The following PXN variants were observed in gnomAD, a reference collection of about 807,000 sequenced individuals.
PXN encodes the protein testicular tissue protein Li 134.
In PXN, 61 loss-of-function variants were observed where a neutral mutation model predicts 103.6. The observed-to-expected ratio is 0.59, with a 90% CI of 0.48 to 0.73. The LOEUF (loss-of-function observed/expected upper bound fraction) is 0.73. Among genes scored for constraint, PXN ranks in the 30% least tolerant of loss-of-function variants. The pLI is 0.00. For synonymous variants in PXN, 562 were observed against 607.8 expected, an observed-to-expected ratio of 0.92 and a Z score of 1.11; for missense variants, 1,274 against 1,460.3, an observed-to-expected ratio of 0.87 and a Z score of 2.08.
intron 1 of PXN, among the ~76,000 whole-genome samples, chr12:120,241,455 G>A (rs1306943427): frequency 1.3e-5 from 2 of 152,286 alleles, no homozygotes; most frequent in South Asian, 2.1e-4. Context: ...CCCTCCCTCC[G>A]ATGCTCTCAC....
Position 120,216,596 on chromosome 12 carries a change from G to A in PXN, c.1993-15C>T. On this transcript the variant is annotated splice_polypyrimidine_tract_variant and intron_variant, in intron 8 of 14. Coordinates refer to ENST00000637617, the MANE Select transcript of PXN (RefSeq NM_001385981.1). This position sits in a 1 kb window ranked among gnomAD's most constrained non-coding sequence, Gnocchi z 5.1. ...GGGAAGACAACCTGGGGAGAAGAAA[G>A]GAGGGAGAGCGATGAGGAAGAAATC... The A allele has an allele frequency of 6.8e-7, 1 of 1,469,528 alleles. No individual in the cohort carries two copies. The highest frequency in any genetic ancestry group is 1.5e-5 in the African/African-American group (1 of 68,450). 91.0% of individuals were successfully genotyped at this position (1,469,528 alleles called of 1,614,324 possible). A position where few individuals can be genotyped will look rare whatever the true frequency, so the allele number is the denominator to read the frequency against.
intron 1 of PXN, among the ~76,000 whole-genome samples, chr12:120,238,394 A>C (rs1201386820): frequency 6.6e-6 from 1 of 152,194 alleles, no homozygotes; most frequent in Non-Finnish European, 1.5e-5. Flanking sequence ...CCGGGGGTTC[A>C]TGCAGCAGAG....
At position 120,240,567 on chromosome 12, in the gene PXN, G is replaced by A. The variant is rs112121257; in HGVS notation, c.14-16190C>T. The stretch of plus-strand genomic sequence containing the variant: ...TTTGAAGCCATTCCCAAGTTCAAAG[G>A]GTCACCAAGCAGATGCATCTGGAGG... On this transcript the variant is annotated intron_variant, in intron 1 of 14. Coordinates refer to ENST00000637617, the MANE Select transcript of PXN (RefSeq NM_001385981.1). 1.6e-3 allele frequency among the ~76,000 whole-genome samples: 237 copies of A among 152,202 alleles called. 1 individual carries two copies. The highest frequency in any genetic ancestry group is 5.4e-3 in the African/African-American group (223 of 41,522).
rs1594435810 is a variant in PXN, at chr12:120,229,743, A to C, written c.14-5366T>G. 6.6e-6 allele frequency among the ~76,000 whole-genome samples: 1 copy of C among 152,194 alleles called. No homozygotes were observed. Among genetic ancestry groups the C allele is most frequent in the East Asian group, 1.9e-4 (1 of 5,202 alleles). On this transcript the variant is annotated intron_variant, in intron 1 of 14. Coordinates refer to ENST00000637617, the MANE Select transcript of PXN (RefSeq NM_001385981.1). This position sits in a 1 kb window ranked among gnomAD's most constrained non-coding sequence, Gnocchi z 4.0. ...GTGTTAAGCCCTAGGAGGGGAAAGAAATCACCTCCCCGTCCTATCCAATCC... is the reference window on the plus strand; with the variant it reads ...GTGTTAAGCCCTAGGAGGGGAAAGACATCACCTCCCCGTCCTATCCAATCC...
At chr12:120,262,155 T>C (rs1469447136) in intron 1 of PXN, among the ~76,000 whole-genome samples, 3 of 152,162 alleles carry the variant, frequency 2.0e-5, no homozygotes, top group Non-Finnish European at 2.9e-5. Flanking sequence ...AGGCAACTCC[T>C]CTGCCCCCCT....
At chr12:120,240,802 C>G (rs1890013501) in intron 1 of PXN, among the ~76,000 whole-genome samples, 1 of 152,172 alleles carries the variant, frequency 6.6e-6, no homozygotes, top group Non-Finnish European at 1.5e-5. Context: ...AACATCGACA[C>G]TAACCCACCC....
Position 120,223,822 on chromosome 12 carries a change from T to G in PXN, c.252A>C (p.Ser84=), listed in dbSNP as rs190495920. The change falls in exon 3 of 15, where the codon TCA becomes TCC. Residue 84 remains serine, a synonymous_variant. Transcript: ENST00000637617. ...TGGCACTGGAGCCGTACACAGGTGATGAGGACTGAGGCTGCGAGAAGGAGA... is the reference window on the plus strand; with the variant it reads ...TGGCACTGGAGCCGTACACAGGTGAGGAGGACTGAGGCTGCGAGAAGGAGA... The part of the protein sequence containing the change: ...SRFIHQQPQS[S]SPVYGSSAKT... 6.2e-7 allele frequency: 1 copy of G among 1,601,552 alleles called. No homozygotes were observed. Among genetic ancestry groups the G allele is most frequent in the Non-Finnish European group, 8.5e-7 (1 of 1,172,746 alleles).
Position 120,214,929 on chromosome 12 carries a change from C to T in PXN, c.2644G>A (p.Gly882Arg), listed in dbSNP as rs371082879. The T allele has an allele frequency of 1.1e-5, 17 of 1,613,916 alleles. No individual in the cohort carries two copies. The highest frequency in any genetic ancestry group is 6.6e-5 in the South Asian group (6 of 91,092). ...TCCCGCTCGAAGAAGTTCCGGGATC[C>T]GATCTCCTCCTGGCAGTGGGTGCAG... ...FVCTHCQEEI[G>R]SRNFFERDGQ... Residue 882 changes from glycine (G) to arginine (R), a missense_variant, in exon 12 of 15, where the codon GGA becomes AGA. Gly to Arg is a moderately radical substitution (Grantham distance 125). Around this residue, in one of 2 missense-constraint regions of PXN, gnomAD observed 1,178 missense variants for 1,309.0 expected, o/e 0.90. Transcript: ENST00000637617. This position sits in a 1 kb window ranked among gnomAD's most constrained non-coding sequence, Gnocchi z 5.0.
In PXN at chr12:120,225,060, C is replaced by T. The variant is rs1235958592; in HGVS notation, c.14-683G>A. The T allele has an allele frequency of 3.8e-6, 1 of 264,250 alleles. No individual in the cohort carries two copies. Among genetic ancestry groups the T allele is most frequent in the African/African-American group, 2.2e-5 (1 of 45,238 alleles). The allele number at this position is 264,250 out of a possible 1,614,324, so 16.4% of individuals were successfully genotyped here. On this transcript the variant is annotated intron_variant, in intron 1 of 14. Coordinates refer to ENST00000637617, the MANE Select transcript of PXN (RefSeq NM_001385981.1). This position sits in a 1 kb window ranked among gnomAD's most constrained non-coding sequence, Gnocchi z 4.4. ...CGGAAGTCTGGCAAGCAGCCCGGCC[C>T]CAGAGGCTCCAGGCCCCCACTGTTC...
chr12:120,252,102 G>A (rs967186769), intron 1 of PXN, among the ~76,000 whole-genome samples: 15 of 152,138 alleles, frequency 9.9e-5, no homozygotes, highest in Admixed American at 2.6e-4. Context: ...TGGGTTCTAT[G>A]CCACCTCCCC....
intron 1 of PXN, among the ~76,000 whole-genome samples, chr12:120,245,187 C>CA (rs1315378442): frequency 6.6e-6 from 1 of 152,052 alleles, no homozygotes; most frequent in Non-Finnish European, 1.5e-5. Context: ...GCAGAGGAGG[C>CA]AGGGGACATG....
chr12:120,262,910 G>T (rs1248360163), intron 1 of PXN, among the ~76,000 whole-genome samples: 1 of 152,168 alleles, frequency 6.6e-6, no homozygotes. Flanking sequence ...ACGCTGTGTT[G>T]ATATTTTTCT....
chr12:120,223,093 G>T (rs1000085904), intron 3 of PXN, 94 bp from the exon 4 acceptor site: 3 of 1,593,098 alleles, frequency 1.9e-6, no homozygotes, highest in Non-Finnish European at 2.6e-6. Context: ...ACAAGGCAGA[G>T]GAGATGCGAA....
At chr12:120,233,568 AG>A (rs1888469700) in intron 1 of PXN, among the ~76,000 whole-genome samples, 1 of 152,134 alleles carries the variant, frequency 6.6e-6, no homozygotes, top group Admixed American at 6.5e-5. Context: ...GGCATTCCAA[AG>A]TGCTGGGATT....
intron 1 of PXN, among the ~76,000 whole-genome samples, chr12:120,244,629 C>CA (rs1890739506): frequency 6.8e-6 from 1 of 146,258 alleles, no homozygotes; most frequent in Non-Finnish European, 1.5e-5. Flanking sequence ...GCCTGGATGA[C>CA]AGAGTGAGAC....
At position 120,225,080 on chromosome 12, in the gene PXN, C is replaced by G. The variant is rs1886487322; in HGVS notation, c.14-703G>C. ...CGGCCCCAGAGGCTCCAGGCCCCCA[C>G]TGTTCTGCTTTTAACAGCGGCAAGG... is the stretch of plus-strand genomic sequence containing the variant. On this transcript the variant is annotated intron_variant, in intron 1 of 14. Coordinates refer to ENST00000637617, the MANE Select transcript of PXN (RefSeq NM_001385981.1). The surrounding 1 kb of genome is among the most constrained non-coding windows in gnomAD (Gnocchi z 4.4). 1 of 248,450 alleles carries G rather than the reference C, an allele frequency of 4.0e-6. No individual in the cohort carries two copies. The highest frequency in any genetic ancestry group is 2.2e-5 in the African/African-American group (1 of 44,874). The allele number at this position is 248,450 out of a possible 1,614,324, so 15.4% of individuals were successfully genotyped here.
intron 1 of PXN, among the ~76,000 whole-genome samples, chr12:120,257,154 C>T (rs1893144915): frequency 6.6e-6 from 1 of 152,184 alleles, no homozygotes; most frequent in Non-Finnish European, 1.5e-5. Context: ...ACCCCCCTTG[C>T]TCCAGCTCAC....
chr12:120,236,949 G>C (rs1025713181), intron 1 of PXN, among the ~76,000 whole-genome samples: 1 of 150,994 alleles, frequency 6.6e-6, no homozygotes. Flanking sequence ...GGGCTACAGT[G>C]CATGCCACCA....
chr12:120,215,295 G>C lies in PXN; in HGVS notation c.2404-22C>G. 6.4e-7 allele frequency: 1 copy of C among 1,571,846 alleles called. No individual in the cohort carries two copies. ...TGAACTGTGGACACGGAGGGGGCTG[G>C]TCAGGACTCCTGAGGCTCGGGGTAC... On this transcript the variant is annotated intron_variant, in intron 10 of 14. Coordinates refer to ENST00000637617, the MANE Select transcript of PXN (RefSeq NM_001385981.1). This position sits in a 1 kb window ranked among gnomAD's most constrained non-coding sequence, Gnocchi z 4.9.
Sources: gnomAD v4.1 joint callset for allele counts (sites outside exome capture counted in the v4.1 genomes callset) on GRCh38, gnomAD v4.1.1 for gene constraint, gnomAD v4.1.1 regional missense constraint, Gnocchi (gnomAD v3.1) non-coding constraint, MANE v1.5 for transcripts, NCBI Gene and HGNC (gene_info 2026-07-23, HGNC 2026-07-21) for gene names.